The following CSMD3 variants were observed in gnomAD, a reference collection of about 807,000 sequenced individuals.
CSMD3 encodes the protein CUB and sushi domain-containing protein 3.
A neutral mutation model predicts 435.2 loss-of-function variants in CSMD3; 177 were observed. That is an observed-to-expected ratio of 0.41 (90% confidence interval 0.36 to 0.46). The LOEUF is 0.46. Ranked by LOEUF, CSMD3 falls within the 20% of genes least tolerant of loss-of-function variation. The pLI is 0.34. For synonymous variants in CSMD3, 1,656 were observed against 1,520.5 expected, an observed-to-expected ratio of 1.09 and a Z score of -2.07; for missense variants, 4,265 against 4,504.6, an observed-to-expected ratio of 0.95 and a Z score of 1.52.
chr8:112,232,633 C>A (rs771209957), intron 68 of CSMD3, among the ~76,000 whole-genome samples: 2 of 152,038 alleles, frequency 1.3e-5, no homozygotes, highest in African/African-American at 2.4e-5. Flanking sequence ...ATTTTATAAT[C>A]AGCTATGATG....
intron 10 of CSMD3, among the ~76,000 whole-genome samples, chr8:112,886,496 C>T (rs572673490): frequency 1.3e-5 from 2 of 151,452 alleles, no homozygotes; most frequent in South Asian, 2.1e-4. Context: ...GAGAAATGTG[C>T]TGAAGTGTTC....
intron 1 of CSMD3, among the ~76,000 whole-genome samples, chr8:113,321,696 T>C (rs1194245127): frequency 6.6e-6 from 1 of 152,210 alleles, no homozygotes. Flanking sequence ...TACCATTTCT[T>C]TGCCCATACC....
intron 23 of CSMD3, among the ~76,000 whole-genome samples, chr8:112,581,205 T>C (rs919003735): frequency 1.3e-5 from 2 of 152,078 alleles, no homozygotes; most frequent in African/African-American, 4.8e-5. Flanking sequence ...AGGTGAGATT[T>C]AGAAATCTGG....
chr8:112,743,936 C>G (rs2132067817), intron 13 of CSMD3, among the ~76,000 whole-genome samples: 1 of 151,926 alleles, frequency 6.6e-6, no homozygotes, highest in Non-Finnish European at 1.5e-5. Context: ...TACAAGCAAG[C>G]AAATCTGATA....
rs2129756533 is a variant in CSMD3 at position 112,224,756 on chromosome 8, G to A, written c.*15C>T. ...GTCGATTTCCAAGCTTCTGAAGAAG[G>A]CAAAGGTTGCCTCGTTATACCATTG... On this transcript the variant is annotated 3_prime_UTR_variant, in exon 71 of 71. Coordinates refer to ENST00000297405, the MANE Select transcript of CSMD3 (RefSeq NM_198123.2). 22 of 1,613,724 alleles carry A rather than the reference G, an allele frequency of 1.4e-5. No homozygotes were observed. The highest frequency in any genetic ancestry group is 1.9e-5 in the Non-Finnish European group (22 of 1,179,644).
At chr8:112,874,116 T>C (rs2081212217) in intron 10 of CSMD3, among the ~76,000 whole-genome samples, 1 of 152,188 alleles carries the variant, frequency 6.6e-6, no homozygotes, top group Non-Finnish European at 1.5e-5. Flanking sequence ...GTGTCTTTGT[T>C]TTCATTGGTT....
rs577303840 is a variant in CSMD3, at chr8:112,607,585, T to A, written c.3716-20350A>T. 8.2e-4 allele frequency among the ~76,000 whole-genome samples: 125 copies of A among 152,132 alleles called. 1 individual carries two copies. The highest frequency in any genetic ancestry group is 2.6e-3 in the African/African-American group (107 of 41,528). ...CATAGATTCAAAAATCCTAAAAAAATTTTAACAAACCAAATTCAACAGTGC... is the reference window on the plus strand; with the variant it reads ...CATAGATTCAAAAATCCTAAAAAAAATTTAACAAACCAAATTCAACAGTGC... On this transcript the variant is annotated intron_variant, in intron 22 of 70. Transcript: ENST00000297405.
At chr8:113,133,785 A>G (rs1346038272) in intron 4 of CSMD3, among the ~76,000 whole-genome samples, 1 of 152,140 alleles carries the variant, frequency 6.6e-6, no homozygotes, top group Admixed American at 6.6e-5. Context: ...TTATAAAGTG[A>G]AATAAATCCG....
chr8:113,030,417 TAAAAAAAAA>T (rs35890606), intron 5 of CSMD3, among the ~76,000 whole-genome samples: 1 of 24,352 alleles, frequency 4.1e-5, no homozygotes, highest in Non-Finnish European at 6.8e-5. Context: ...TTGGTACTGG[TAAAAAAAAA>T]AAAAAAAAAA....
At chr8:112,930,857 C>T (rs1166016752) in intron 9 of CSMD3, among the ~76,000 whole-genome samples, 2 of 151,994 alleles carry the variant, frequency 1.3e-5, no homozygotes, top group African/African-American at 4.8e-5. Flanking sequence ...ACACTGACTA[C>T]CTATGTTTAA....
intron 25 of CSMD3, among the ~76,000 whole-genome samples, chr8:112,554,342 T>A (rs1299082724): frequency 6.6e-6 from 1 of 152,012 alleles, no homozygotes; most frequent in African/African-American, 2.4e-5. Context: ...TAATTTACAA[T>A]AACACACTCG....
intron 1 of CSMD3, among the ~76,000 whole-genome samples, chr8:113,360,344 A>G (rs919772232): frequency 2.6e-5 from 4 of 152,122 alleles, no homozygotes; most frequent in African/African-American, 9.7e-5. Context: ...TATCAAGTAT[A>G]AGGAAGGGGT....
At chr8:113,324,207 A>T (rs548413847) in intron 1 of CSMD3, among the ~76,000 whole-genome samples, 10 of 152,338 alleles carry the variant, frequency 6.6e-5, no homozygotes, top group African/African-American at 2.2e-4. Context: ...TGGCTGCAGA[A>T]ATTTGCATAA....
chr8:113,016,696 A>G (rs191619205), intron 6 of CSMD3, among the ~76,000 whole-genome samples: 84 of 151,972 alleles, frequency 5.5e-4, no homozygotes, highest in Admixed American at 3.2e-3. Flanking sequence ...TGTATAATAT[A>G]TTACACAAAA....
At position 112,552,709 on chromosome 8, in the gene CSMD3, C is replaced by T; in HGVS notation, c.4246G>A (p.Gly1416Ser). Residue 1416 changes from glycine to serine, a missense_variant, in exon 26 of 71, where the codon GGT (glycine) becomes AGT (serine). Coordinates refer to ENST00000297405, the MANE Select transcript of CSMD3 (RefSeq NM_198123.2). The part of the protein sequence containing the change: ...PLPSCIAECG[G>S]RFKGESSGRI... ...CCTGATGATTCTCCTTTAAAACGAC[C>T]TCCACATTCAGCTGATAAAAAATAA... 1 of 1,611,600 alleles carries T rather than the reference C, an allele frequency of 6.2e-7. No homozygotes were observed. Among genetic ancestry groups the T allele is most frequent in the South Asian group, 1.1e-5 (1 of 91,036 alleles).
In CSMD3 at chr8:112,409,037, TC is replaced by T. The variant is rs767832222; in HGVS notation, c.5396-6del. On this transcript the variant is annotated splice_polypyrimidine_tract_variant and splice_region_variant and intron_variant, in intron 32 of 70. Coordinates refer to ENST00000297405, the MANE Select transcript of CSMD3 (RefSeq NM_198123.2). ...ATACAAACTGGCCAAACACCACTGA[TC>T]AACAGGAACCCGGAGAAGCAAACAA... The T allele has an allele frequency of 6.2e-7, 1 of 1,612,846 alleles. No individual in the cohort carries two copies. Among genetic ancestry groups the T allele is most frequent in the Non-Finnish European group, 8.5e-7 (1 of 1,179,474 alleles).
intron 13 of CSMD3, among the ~76,000 whole-genome samples, chr8:112,782,046 C>G (rs750928467): frequency 6.6e-6 from 1 of 152,100 alleles, no homozygotes; most frequent in Non-Finnish European, 1.5e-5. Context: ...CTACGAACAT[C>G]CACAAACATC....
At chr8:112,301,346 G>A (rs1820906841) in intron 53 of CSMD3, among the ~76,000 whole-genome samples, 1 of 151,880 alleles carries the variant, frequency 6.6e-6, no homozygotes, top group Admixed American at 6.6e-5. Context: ...ATAGAAATTA[G>A]TTTTATGCAT....
At chr8:112,960,713 A>C (rs2084195299) in intron 7 of CSMD3, among the ~76,000 whole-genome samples, 2 of 151,838 alleles carry the variant, frequency 1.3e-5, no homozygotes, top group African/African-American at 4.8e-5. Flanking sequence ...AAAGTTCTTA[A>C]AGTACAGAAA....
Sources: allele counts gnomAD v4.1 joint callset (sites outside exome capture counted in the v4.1 genomes callset), GRCh38; gene constraint gnomAD v4.1.1; transcripts MANE v1.5; gene names NCBI Gene and HGNC (gene_info 2026-07-23, HGNC 2026-07-21).